Variants in STRN4 observed in about 807,000 individuals in gnomAD.
STRN4 encodes striatin 4.
Under a neutral mutation model 77.9 loss-of-function variants are expected in STRN4, and 27 were observed. The ratio of observed to expected loss-of-function variants is 0.35; its 90% CI spans 0.26 to 0.48. The LOEUF (loss-of-function observed/expected upper bound fraction) is 0.48. Among genes scored for constraint, STRN4 ranks in the 20% least tolerant of loss-of-function variants. The pLI, the probability that STRN4 is intolerant of heterozygous loss-of-function variation, is 0.99. For synonymous variants in STRN4, 466 were observed against 443.1 expected (o/e 1.05, Z -0.65); for missense variants, 798 against 1,049.7 (o/e 0.76, Z 3.31).
chr19:46,724,832 G>A lies in STRN4; in HGVS notation c.1569C>T (p.Leu523=), dbSNP rs767232771. 7 of 1,613,916 alleles carry A rather than the reference G, an allele frequency of 4.3e-6. No homozygotes were observed. Among genetic ancestry groups the A allele is most frequent in the Non-Finnish European group, 5.9e-6 (7 of 1,180,016 alleles). ...CGTAGCCATCATAGGGATCCATGCT[G>A]AGGTCTGGAATCTTCCAACTATGGA... The part of the protein sequence containing the change: ...ACIHSWKIPD[L]SMDPYDGYDP... Residue 523 remains leucine, a synonymous_variant, in exon 12 of 18, where the codon CTC becomes CTT. Transcript: ENST00000263280.
chr19:46,722,462 G>A (rs907032491), intron 14 of STRN4, 122 bp from the exon 15 acceptor site: 29 of 1,059,264 alleles, frequency 2.7e-5, no homozygotes, highest in Non-Finnish European at 3.8e-5. Flanking sequence ...GAGGGGGGCT[G>A]GGCGAGGGCA....
At chr19:46,739,259 C>A (rs2054430611) in intron 1 of STRN4, 1 of 295,344 alleles carries the variant, frequency 3.4e-6, no homozygotes, top group South Asian at 3.5e-5. Context: ...CGCCCTCTGG[C>A]AGGTGCTGTC....
chr19:46,724,983 G>A, intron 11 of STRN4, 55 bp from the exon 12 acceptor site: 2 of 1,610,548 alleles, frequency 1.2e-6, no homozygotes, highest in Admixed American at 3.3e-5. Context: ...GGCCTCCCCT[G>A]GCCACAGGAC....
intron 4 of STRN4, chr19:46,736,552 CAAAAAAAAAAAA>C (rs777686904): frequency 2.1e-5 from 1 of 48,588 alleles, no homozygotes; most frequent in South Asian, 1.3e-3. Flanking sequence ...GCCACTGAGA[CAAAAAAAAAAAA>C]AAAAAAAAAA....
chr19:46,725,056 C>T, intron 11 of STRN4, 128 bp from the exon 12 acceptor site: 1 of 1,412,176 alleles, frequency 7.1e-7, no homozygotes. Flanking sequence ...GGGGCTCTGG[C>T]CATGCTACCT....
At position 46,723,107 on chromosome 19, in the gene STRN4, C is replaced by G. The variant is rs774633774; in HGVS notation, c.1765+7G>C. On this transcript the variant is annotated splice_region_variant and intron_variant, in intron 13 of 17. Transcript: ENST00000263280. The surrounding 1 kb of genome is among the most constrained non-coding windows in gnomAD (Gnocchi z 5.5). ...CTCCAGGGTGAGGCACCGGGGCCCC[C>G]ACTCACCGCTGGCTGTGGGGAAGGT... The G allele has an allele frequency of 1.0e-5, 16 of 1,561,274 alleles. No individual in the cohort carries two copies. Among genetic ancestry groups the G allele is most frequent in the Middle Eastern group, 1.7e-4 (1 of 6,006 alleles).
intron 14 of STRN4, among the ~76,000 whole-genome samples, 171 bp downstream of exon 14, chr19:46,722,635 CCTGG>C (rs1444037483): frequency 6.6e-6 from 1 of 152,224 alleles, no homozygotes; most frequent in East Asian, 1.9e-4. Flanking sequence ...CCGCCAGTGC[CCTGG>C]CTGTGAGGGC....
chr19:46,736,242 A>G (rs1184116836), intron 4 of STRN4: 1 of 152,174 alleles, frequency 6.6e-6, no homozygotes, highest in African/African-American at 2.4e-5. Flanking sequence ...GTGCCACTGC[A>G]CTGCAGCCTG....
chr19:46,728,411 G>T, intron 7 of STRN4: 1 of 690,880 alleles, frequency 1.4e-6, no homozygotes, highest in Non-Finnish European at 2.4e-6. Context: ...AGGACTGCCT[G>T]CGTCTCCATG....
intron 14 of STRN4, 126 bp from the exon 15 acceptor site, chr19:46,722,466 G>T: frequency 9.7e-7 from 1 of 1,028,164 alleles, no homozygotes; most frequent in Non-Finnish European, 1.5e-6. Context: ...GGGGCTGGGC[G>T]AGGGCACTCC....
chr19:46,745,883 C>T (rs901429193), intron 1 of STRN4: 12 of 355,152 alleles, frequency 3.4e-5, no homozygotes, highest in Non-Finnish European at 2.5e-5. Flanking sequence ...CCGCCCCTTT[C>T]TCTCGGCCGG....
intron 16 of STRN4, chr19:46,721,785 T>A (rs1195222409): frequency 8.7e-6 from 5 of 573,090 alleles, no homozygotes; most frequent in Non-Finnish European, 1.6e-5. Context: ...AGAGGCCGAA[T>A]GAGACGATGC....
At position 46,738,705 on chromosome 19, in the gene STRN4, A is replaced by G; in HGVS notation, c.386+80T>C. The G allele has an allele frequency of 7.6e-7, 1 of 1,319,488 alleles. No individual in the cohort carries two copies. The highest frequency in any genetic ancestry group is 1.1e-6 in the Non-Finnish European group (1 of 914,660). The allele number at this position is 1,319,488 out of a possible 1,614,324, so 81.7% of individuals were successfully genotyped here. ...CGACCCCAAATCTCCCTTAGCTGGA[A>G]GGAGGCGTGGCTGGTGGCCTCCTGA... On this transcript the variant is annotated intron_variant, in intron 2 of 17. Coordinates refer to ENST00000263280, the MANE Select transcript of STRN4 (RefSeq NM_013403.3). This position sits in a 1 kb window ranked among gnomAD's most constrained non-coding sequence, Gnocchi z 4.5.
intron 1 of STRN4, among the ~76,000 whole-genome samples, chr19:46,740,861 C>T (rs2054461393): frequency 6.6e-6 from 1 of 152,074 alleles, no homozygotes. Flanking sequence ...GGAAGAGGGA[C>T]AAGAGGCGAC....
rs569588069 is a variant in STRN4 at position 46,725,212 on chromosome 19, G to T, written c.1472+120C>A. 3.6e-6 allele frequency: 5 copies of T among 1,378,110 alleles called. 1 individual carries two copies. The South Asian group carries it at 3.8e-5, about 10-fold the overall frequency. The allele number at this position is 1,378,110 out of a possible 1,614,324, so 85.4% of individuals were successfully genotyped here. On this transcript the variant is annotated intron_variant, in intron 11 of 17. Coordinates refer to ENST00000263280, the MANE Select transcript of STRN4 (RefSeq NM_013403.3). ...CTGTGTATATCATGAAGGGGGCGGG[G>T]ACTCAGAGCCCCCTGCTGTCCTGCC...
rs369748705 is a variant in STRN4, at chr19:46,720,778, A to G, written c.2093-7T>C. On this transcript the variant is annotated splice_polypyrimidine_tract_variant and splice_region_variant and intron_variant, in intron 16 of 17. Transcript: ENST00000263280. ...CGCAGGGAGCAGTCATGGCCTGCAC[A>G]TGTGTCGGGGACAGAAGGGGTGGTC... is the stretch of plus-strand genomic sequence containing the variant. 1.3e-6 allele frequency: 2 copies of G among 1,563,986 alleles called. No individual in the cohort carries two copies. The highest frequency in any genetic ancestry group is 1.2e-5 in the South Asian group (1 of 83,902).
In STRN4 at chr19:46,720,517, G is replaced by A. The variant is rs2053952029; in HGVS notation, c.*66+19C>T. 1.4e-6 allele frequency: 2 copies of A among 1,413,754 alleles called. No homozygotes were observed. Among genetic ancestry groups the A allele is most frequent in the East Asian group, 2.5e-5 (1 of 39,680 alleles). 87.6% of individuals were successfully genotyped at this position (1,413,754 alleles called of 1,614,324 possible). ...GCATGGGCGTGCAGAGACTCAGAAT[G>A]CGGGGTTTCTGCCCTCACCTCAGCC... On this transcript the variant is annotated intron_variant, in intron 17 of 17. Transcript: ENST00000263280.
In STRN4 at chr19:46,720,335, T is replaced by TC; in HGVS notation, c.*69dup. 1 of 352,172 alleles carries TC rather than the reference T, an allele frequency of 2.8e-6. No homozygotes were observed. Among genetic ancestry groups the TC allele is most frequent in the Non-Finnish European group, 5.1e-6 (1 of 196,870 alleles). The allele number at this position is 352,172 out of a possible 1,614,324, so 21.8% of individuals were successfully genotyped here. ...TCTGCACCTCCAGCGAGGCTGGGAG[T>TC]CCCCTGCGGGAAAGAGAAGGGAGGG... On this transcript the variant is annotated 3_prime_UTR_variant, in exon 18 of 18. Transcript: ENST00000263280.
intron 5 of STRN4, 89 bp from the exon 6 acceptor site, chr19:46,730,962 G>C (rs2054237237): frequency 5.7e-6 from 9 of 1,566,278 alleles, no homozygotes; most frequent in Non-Finnish European, 7.8e-6. Context: ...TTGGTGGCCA[G>C]AGCCCAGACC....
Sources: gnomAD v4.1 joint callset for allele counts (sites outside exome capture counted in the v4.1 genomes callset) on GRCh38, gnomAD v4.1.1 for gene constraint, Gnocchi (gnomAD v3.1) non-coding constraint, MANE v1.5 for transcripts, NCBI Gene and HGNC (gene_info 2026-07-23, HGNC 2026-07-21) for gene names.